The following SYTL2 variants were observed in gnomAD, a reference collection of about 807,000 sequenced individuals.
SYTL2 encodes the protein synaptotagmin-like protein 2.
In SYTL2, 165 loss-of-function variants were observed where a neutral mutation model predicts 198.7. That is an observed-to-expected ratio of 0.83 (90% CI 0.73 to 0.94). The LOEUF (loss-of-function observed/expected upper bound fraction) is 0.94. Among genes scored for constraint, SYTL2 ranks in the 40% least tolerant of loss-of-function variants. The pLI is 0.00. For missense variants in SYTL2, 2,835 were observed against 2,582.8 expected, an observed-to-expected ratio of 1.10 and a Z score of -2.12; for synonymous variants, 966 against 917.7, an observed-to-expected ratio of 1.05 and a Z score of -0.95.
At chr11:85,793,827 T>A (rs1311321452) in intron 1 of SYTL2, among the ~76,000 whole-genome samples, 1 of 152,210 alleles carries the variant, frequency 6.6e-6, no homozygotes, top group Non-Finnish European at 1.5e-5. Context: ...TGGCAAGCAA[T>A]TGCATTTCCA....
the SYTL2 span, among the ~76,000 whole-genome samples, chr11:85,833,300 C>T: frequency 6.9e-6 from 1 of 145,274 alleles, no homozygotes; most frequent in Non-Finnish European, 1.5e-5. Context: ...ATCATTATAT[C>T]ATATATATCA....
chr11:85,742,368 C>T (rs534070528), intron 4 of SYTL2, among the ~76,000 whole-genome samples: 2 of 152,280 alleles, frequency 1.3e-5, no homozygotes, highest in Non-Finnish European at 2.9e-5. Flanking sequence ...AACATTATAC[C>T]TCATTTACGG....
intron 16 of SYTL2, among the ~76,000 whole-genome samples, chr11:85,703,606 A>G (rs2084675395): frequency 6.6e-6 from 1 of 152,216 alleles, no homozygotes. Flanking sequence ...ATTCACTAAG[A>G]GTAAAACTAA....
Position 85,726,422 on chromosome 11 carries a change from G to A in SYTL2, c.2936C>T (p.Pro979Leu). The A allele has an allele frequency of 6.2e-7, 1 of 1,613,060 alleles. No homozygotes were observed. Among genetic ancestry groups the A allele is most frequent in the Admixed American group, 1.7e-5 (1 of 59,854 alleles). Residue 979 changes from proline to leucine, a missense_variant, in exon 8 of 20, where the codon CCC (proline) becomes CTC (leucine). Coordinates refer to ENST00000359152, the MANE Select transcript of SYTL2 (RefSeq NM_206927.4). ...DEPNAEQVYN[P>L]SQFENLRKFW... ...CTTTCTCAAATTCTCAAACTGAGAG[G>A]GATTATAGACCTGTTCTGCATTGGG...
intron 1 of SYTL2, among the ~76,000 whole-genome samples, chr11:85,767,781 G>A (rs1004670641): frequency 1.4e-4 from 21 of 152,266 alleles, no homozygotes; most frequent in African/African-American, 4.8e-4. Context: ...GGCCTGGGGT[G>A]AGACTCCCAC....
chr11:85,720,691 CT>C (rs1414063311), intron 9 of SYTL2, among the ~76,000 whole-genome samples, 166 bp downstream of exon 9: 21 of 152,166 alleles, frequency 1.4e-4, no homozygotes, highest in African/African-American at 5.1e-4. Flanking sequence ...GTTCCAGCCA[CT>C]TTAGGTTGAG....
intron 1 of SYTL2, among the ~76,000 whole-genome samples, chr11:85,759,777 T>C (rs1422507884): frequency 6.6e-6 from 1 of 152,216 alleles, no homozygotes; most frequent in Non-Finnish European, 1.5e-5. Flanking sequence ...CTTCATTTTC[T>C]TTTTAATTTG....
chr11:85,698,843 G>A (rs1426329091), intron 17 of SYTL2, among the ~76,000 whole-genome samples: 6 of 152,208 alleles, frequency 3.9e-5, no homozygotes, highest in Non-Finnish European at 8.8e-5. Context: ...CCAGTCAAGA[G>A]TGGTTAAACA....
the SYTL2 span, among the ~76,000 whole-genome samples, chr11:85,840,132 T>C: frequency 1.4e-4 from 22 of 152,306 alleles, no homozygotes; most frequent in African/African-American, 5.3e-4. Context: ...CTTATCAGAT[T>C]ATTAGATTTT....
the SYTL2 span, among the ~76,000 whole-genome samples, chr11:85,821,739 T>C: frequency 6.6e-6 from 1 of 152,214 alleles, no homozygotes; most frequent in South Asian, 2.1e-4. Context: ...GTAGATTCAG[T>C]ACCCAGAGAG....
At chr11:85,708,412 T>C (rs1253169536) in intron 14 of SYTL2, among the ~76,000 whole-genome samples, 6 of 152,050 alleles carry the variant, frequency 3.9e-5, no homozygotes, top group Non-Finnish European at 7.4e-5. Context: ...CTCAGCAAAA[T>C]AATTAAGAAT....
rs2085352376 is a variant in SYTL2 at position 85,707,409 on chromosome 11, TAG to T, written c.6018+18_6018+19del. On this transcript the variant is annotated intron_variant, in intron 15 of 19. Coordinates refer to ENST00000359152, the MANE Select transcript of SYTL2 (RefSeq NM_206927.4). ...CAGGTCACCATCTAGGATTTTCCTATAGAGAGAGTTCATAGATACCCGCAGTA... is the reference window on the plus strand; with the variant it reads ...CAGGTCACCATCTAGGATTTTCCTATAGAGAGTTCATAGATACCCGCAGTA... 6.5e-7 allele frequency: 1 copy of T among 1,548,076 alleles called. No individual in the cohort carries two copies. The highest frequency in any genetic ancestry group is 1.4e-5 in the African/African-American group (1 of 73,466).
chr11:85,697,936 C>T (rs1446501483), intron 18 of SYTL2, 43 bp downstream of exon 18: 1 of 1,302,606 alleles, frequency 7.7e-7, no homozygotes. Flanking sequence ...CAGCAAAGAC[C>T]AGGCTACAGA....
At chr11:85,847,147 C>A in the SYTL2 span, among the ~76,000 whole-genome samples, 8 of 152,160 alleles carry the variant, frequency 5.3e-5, no homozygotes, top group Non-Finnish European at 8.8e-5. Flanking sequence ...ACCCTTGTAA[C>A]CACCACCACA....
At chr11:85,827,191 T>C in the SYTL2 span, among the ~76,000 whole-genome samples, 3 of 152,224 alleles carry the variant, frequency 2.0e-5, no homozygotes, top group African/African-American at 7.2e-5. Context: ...TTAGCAATGC[T>C]GTTGTTACTG....
chr11:85,694,662 T>C lies in SYTL2; in HGVS notation c.*533A>G, dbSNP rs1162453659. The stretch of plus-strand genomic sequence containing the variant: ...TAGTTTCAGTCTCATTGCCCTAATA[T>C]GGAATTCCATATTTTATTAGAGATT... On this transcript the variant is annotated 3_prime_UTR_variant, in exon 20 of 20. Coordinates refer to ENST00000359152, the MANE Select transcript of SYTL2 (RefSeq NM_206927.4). 6.6e-6 allele frequency: 1 copy of C among 152,150 alleles called. No individual in the cohort carries two copies. The highest frequency in any genetic ancestry group is 1.5e-5 in the Non-Finnish European group (1 of 68,034). The allele number at this position is 152,150 out of a possible 1,614,324, so 9.4% of individuals were successfully genotyped here.
chr11:85,824,818 C>T, the SYTL2 span, among the ~76,000 whole-genome samples: 1 of 152,140 alleles, frequency 6.6e-6, no homozygotes, highest in Non-Finnish European at 1.5e-5. Flanking sequence ...AGGAGAGCTG[C>T]TATGGCCTGT....
At chr11:85,722,749 TAGAG>T (rs2088550499) in intron 8 of SYTL2, among the ~76,000 whole-genome samples, 2 of 151,960 alleles carry the variant, frequency 1.3e-5, no homozygotes, top group African/African-American at 4.8e-5. Context: ...GAGATTTAAT[TAGAG>T]ATTTATAAAT....
chr11:85,831,064 G>A, the SYTL2 span, among the ~76,000 whole-genome samples: 1 of 152,206 alleles, frequency 6.6e-6, no homozygotes, highest in Non-Finnish European at 1.5e-5. Context: ...CCCAAGTTGA[G>A]TGTATTCAGT....
Sources: allele counts gnomAD v4.1 joint callset (sites outside exome capture counted in the v4.1 genomes callset), GRCh38; gene constraint gnomAD v4.1.1; transcripts MANE v1.5; gene names NCBI Gene and HGNC (gene_info 2026-07-23, HGNC 2026-07-21).